Variants in RNF170 observed in about 807,000 individuals in gnomAD.
RNF170 encodes E3 ubiquitin-protein ligase RNF170.
Under a neutral mutation model 32.7 loss-of-function variants are expected in RNF170, and 12 were observed. The ratio of observed to expected loss-of-function variants is 0.37; its 90% CI spans 0.24 to 0.60. RNF170 has a LOEUF of 0.60. RNF170 is among the 20% of genes least tolerant of loss of function. The probability of loss-of-function intolerance (pLI) is 0.72; values close to 1 mark genes in which losing one functional copy is unlikely to be tolerated. For missense variants in RNF170, 212 were observed against 311.2 expected, an observed-to-expected ratio of 0.68 and a Z score of 2.40; for synonymous variants, 91 against 103.6, an observed-to-expected ratio of 0.88 and a Z score of 0.74.
At chr8:42,877,972 CTA>C (rs1805085070) in intron 2 of RNF170, among the ~76,000 whole-genome samples, 1 of 152,210 alleles carries the variant, frequency 6.6e-6, no homozygotes. Flanking sequence ...TTGAGCAAGA[CTA>C]TTGGCACCAT....
chr8:42,888,015 A>G, intron 1 of RNF170, 144 bp from the exon 2 acceptor site: 1 of 718,034 alleles, frequency 1.4e-6, no homozygotes, highest in Non-Finnish European at 2.4e-6. Flanking sequence ...GTGGGGACTG[A>G]TGGAGTTCTT....
chr8:42,862,339 C>T (rs889198804), intron 5 of RNF170, among the ~76,000 whole-genome samples: 6 of 152,122 alleles, frequency 3.9e-5, no homozygotes, highest in African/African-American at 1.2e-4. Context: ...GGGACCAGCT[C>T]TCAAACACCA....
chr8:42,890,266 T>C (rs1056703253), intron 1 of RNF170, among the ~76,000 whole-genome samples: 12 of 150,712 alleles, frequency 8.0e-5, no homozygotes, highest in African/African-American at 2.9e-4. Flanking sequence ...TATTCTTTTT[T>C]TTTTTTGAGA....
chr8:42,859,271 A>C (rs532145407), intron 6 of RNF170, among the ~76,000 whole-genome samples: 1 of 152,328 alleles, frequency 6.6e-6, no homozygotes, highest in Non-Finnish European at 1.5e-5. Flanking sequence ...AGTAGAAGTG[A>C]GGAGGCCACT....
At position 42,887,817 on chromosome 8, in the gene RNF170, A is replaced by C; in HGVS notation, c.48T>G (p.Asp16Glu). The change falls in exon 2 of 7, where the codon GAT (aspartate) becomes GAG (glutamate). Residue 16 changes from aspartate to glutamate, a missense_variant. Transcript: ENST00000527424. ...GEVQSLKLDD[D>E]SVIEGVSDQV... Reference sequence around the variant, plus strand: ...GGTCGCTTACTCCTTCTATAACTGAATCATCATCCAGTTTCAAACTTTGAA... The same window carrying C: ...GGTCGCTTACTCCTTCTATAACTGACTCATCATCCAGTTTCAAACTTTGAA... 1 of 1,613,936 alleles carries C rather than the reference A, an allele frequency of 6.2e-7. No individual in the cohort carries two copies. The highest frequency in any genetic ancestry group is 8.5e-7 in the Non-Finnish European group (1 of 1,179,802).
chr8:42,896,713 C>A (rs760539257), upstream of RNF170: 1 of 234,710 alleles, frequency 4.3e-6, no homozygotes, highest in South Asian at 3.6e-5. Context: ...CGCCTCGACA[C>A]GCAGCGAACT....
intron 2 of RNF170, among the ~76,000 whole-genome samples, chr8:42,879,612 C>T (rs1367885024): frequency 1.3e-5 from 2 of 152,120 alleles, no homozygotes; most frequent in African/African-American, 2.4e-5. Flanking sequence ...GATCATGCTA[C>T]TGCACTCCAG....
intron 6 of RNF170, among the ~76,000 whole-genome samples, chr8:42,860,692 G>A (rs1361409508): frequency 6.7e-6 from 1 of 150,272 alleles, no homozygotes. Flanking sequence ...CAAAGTGCTG[G>A]GATTACAGGT....
At position 42,896,479 on chromosome 8, in the gene RNF170, C is replaced by G. The variant is rs1157324079; in HGVS notation, c.-8+5G>C. ...GTGGGCGTGGCCGCCGCGCGCCGGA[C>G]GTACCTCTCCACCGCGAAGGAACTA... On this transcript the variant is annotated splice_donor_5th_base_variant and intron_variant, in intron 1 of 6. Transcript: ENST00000527424. 2.2e-6 allele frequency: 1 copy of G among 453,798 alleles called. No homozygotes were observed. 28.1% of individuals were successfully genotyped at this position (453,798 alleles called of 1,614,324 possible).
chr8:42,856,219 T>G lies in RNF170; in HGVS notation c.717A>C (p.Leu239Phe). ...GFLDDFFVIF[L>F]LLIYISIMYR... ...ACATAATAGAGATGTAGATAAGCAATAAAAAGATGACAAAGAAATCATCTA... is the reference window on the plus strand; with the variant it reads ...ACATAATAGAGATGTAGATAAGCAAGAAAAAGATGACAAAGAAATCATCTA... The change falls in exon 7 of 7, where the codon TTA becomes TTC. Residue 239 changes from leucine (L) to phenylalanine (F), a missense_variant. Physicochemically the swap from Leu to Phe is conservative, Grantham distance 22. This residue lies in a region of RNF170 where 97 missense variants were observed against 178.9 expected (regional missense o/e 0.54). Transcript: ENST00000527424. The G allele has an allele frequency of 6.2e-7, 1 of 1,611,364 alleles. No individual in the cohort carries two copies. Among genetic ancestry groups the G allele is most frequent in the East Asian group, 2.2e-5 (1 of 44,828 alleles).
At chr8:42,851,395 T>C (rs1175943036), downstream of RNF170, among the ~76,000 whole-genome samples, 1 of 151,794 alleles carries the variant, frequency 6.6e-6, no homozygotes, top group Non-Finnish European at 1.5e-5. Flanking sequence ...AGAAACCCTG[T>C]CTCTACTAAA....
intron 1 of RNF170, 143 bp from the exon 2 acceptor site, chr8:42,888,014 G>GA (rs1346201865): frequency 5.6e-6 from 4 of 717,152 alleles, no homozygotes; most frequent in African/African-American, 5.4e-5. Flanking sequence ...AGTGGGGACT[G>GA]ATGGAGTTCT....
chr8:42,891,146 G>A (rs1428925050), intron 1 of RNF170, among the ~76,000 whole-genome samples: 1 of 152,148 alleles, frequency 6.6e-6, no homozygotes, highest in Non-Finnish European at 1.5e-5. Context: ...TTGTTGCTTG[G>A]ACATGAGGAG....
At position 42,884,792 on chromosome 8, in the gene RNF170, C is replaced by T. The variant is rs559437492; in HGVS notation, c.137+2936G>A. Among the ~76,000 whole-genome samples, 360 of 147,810 alleles carry T rather than the reference C, an allele frequency of 2.4e-3. 4 individuals are homozygous for T. The highest frequency in any genetic ancestry group is 8.6e-3 in the African/African-American group (341 of 39,864). On this transcript the variant is annotated intron_variant, in intron 2 of 6. Transcript: ENST00000527424. Reference sequence around the variant, plus strand: ...TCTCAGCTCACTGCAACCTCTGCTTCCCAGGTTCAAGCGATTCTCCTGCCT... The same window carrying T: ...TCTCAGCTCACTGCAACCTCTGCTTTCCAGGTTCAAGCGATTCTCCTGCCT...
Position 42,854,876 on chromosome 8 carries a change from CAA to C in RNF170, c.*1281_*1282del. On this transcript the variant is annotated 3_prime_UTR_variant, in exon 7 of 7. Coordinates refer to ENST00000527424, the MANE Select transcript of RNF170 (RefSeq NM_030954.4). ...CTCAGATACATTCACTTGTTTGGCT[CAA>C]GACATGAATCTGAGCTGTGTGCTGC... 7.8e-7 allele frequency: 1 copy of C among 1,287,194 alleles called. No homozygotes were observed. The highest frequency in any genetic ancestry group is 1.0e-6 in the Non-Finnish European group (1 of 988,680). The allele number at this position is 1,287,194 out of a possible 1,614,324, so 79.7% of individuals were successfully genotyped here.
At chr8:42,850,745 C>T (rs1159572446), downstream of RNF170, 1 of 1,551,170 alleles carries the variant, frequency 6.4e-7, no homozygotes, top group East Asian at 2.4e-5. Context: ...TTTTGCACTA[C>T]TTTTGCACTG....
intron 1 of RNF170, 178 bp downstream of exon 1, chr8:42,896,306 G>GC (rs1454214460): frequency 2.7e-6 from 1 of 365,020 alleles, no homozygotes; most frequent in Non-Finnish European, 5.3e-6. Context: ...ACTCCGGACA[G>GC]CCGCGGGGCG....
rs895265614 is a variant in RNF170, at chr8:42,855,109, G to A, written c.*1050C>T. The A allele has an allele frequency of 1.6e-6, 2 of 1,287,048 alleles. No homozygotes were observed. The highest frequency in any genetic ancestry group is 2.0e-6 in the Non-Finnish European group (2 of 988,702). The allele number at this position is 1,287,048 out of a possible 1,614,324, so 79.7% of individuals were successfully genotyped here. On this transcript the variant is annotated 3_prime_UTR_variant, in exon 7 of 7. Coordinates refer to ENST00000527424, the MANE Select transcript of RNF170 (RefSeq NM_030954.4). Reference sequence around the variant, plus strand: ...ACTCTGTGTTTGCAGCATCGCCCAGGTTCCTAAAACAATCTTCCCTTTACA... The same window carrying A: ...ACTCTGTGTTTGCAGCATCGCCCAGATTCCTAAAACAATCTTCCCTTTACA...
intron 4 of RNF170, among the ~76,000 whole-genome samples, chr8:42,867,571 C>G (rs1339389041): frequency 6.7e-6 from 1 of 149,068 alleles, no homozygotes; most frequent in Admixed American, 6.8e-5. Context: ...GTCAGGAGAT[C>G]AAGACCATCA....
Sources: gnomAD v4.1 joint callset for allele counts (sites outside exome capture counted in the v4.1 genomes callset) on GRCh38, gnomAD v4.1.1 for gene constraint, gnomAD v4.1.1 regional missense constraint, MANE v1.5 for transcripts, NCBI Gene and HGNC (gene_info 2026-07-23, HGNC 2026-07-21) for gene names.